Variants in DMXL1 observed in about 807,000 individuals in gnomAD.
DMXL1 encodes dmX-like protein 1.
A neutral mutation model predicts 319.2 loss-of-function variants in DMXL1; 99 were observed. The ratio of observed to expected loss-of-function variants is 0.31; its 90% confidence interval spans 0.26 to 0.37. The LOEUF (loss-of-function observed/expected upper bound fraction) is 0.37, where lower values mean the gene tolerates loss of function less well. DMXL1 is among the 10% of genes least tolerant of loss of function. DMXL1 has a pLI of 1.00. For missense variants in DMXL1, 3,745 were observed against 3,595.6 expected (o/e 1.04, Z -1.06); for synonymous variants, 1,385 against 1,235.2 (o/e 1.12, Z -2.54).
At chr5:119,076,940 G>T (rs932484577) in intron 1 of DMXL1, among the ~76,000 whole-genome samples, 1 of 152,078 alleles carries the variant, frequency 6.6e-6, no homozygotes, top group Admixed American at 6.5e-5. Flanking sequence ...CCTAATAGAA[G>T]GATTTTCATT....
chr5:119,152,071 AG>A, intron 19 of DMXL1, 35 bp downstream of exon 19: 1 of 1,439,318 alleles, frequency 6.9e-7, no homozygotes, highest in Non-Finnish European at 9.6e-7. Flanking sequence ...AGGGAAATAA[AG>A]CGAGTAGAAA....
At chr5:119,073,529 GA>G (rs1215723142) in intron 1 of DMXL1, among the ~76,000 whole-genome samples, 1 of 152,120 alleles carries the variant, frequency 6.6e-6, no homozygotes, top group African/African-American at 2.4e-5. Flanking sequence ...ATGTGCCGAG[GA>G]GGATTAGATA....
intron 28 of DMXL1, among the ~76,000 whole-genome samples, chr5:119,187,622 GA>G (rs960716718): frequency 8.6e-4 from 131 of 152,160 alleles, no homozygotes; most frequent in African/African-American, 3.1e-3. Context: ...TGAAACTGCC[GA>G]TTTTTTTTCC....
At chr5:119,120,496 CA>C (rs1360229783) in intron 8 of DMXL1, among the ~76,000 whole-genome samples, 1 of 152,200 alleles carries the variant, frequency 6.6e-6, no homozygotes. Flanking sequence ...CTGCCTGCCT[CA>C]TGGCATCAAA....
At chr5:119,242,486 G>A (rs892280721) in intron 42 of DMXL1, among the ~76,000 whole-genome samples, 1 of 152,066 alleles carries the variant, frequency 6.6e-6, no homozygotes, top group East Asian at 1.9e-4. Context: ...ATAAATGAGT[G>A]ATACTCCACA....
At chr5:119,153,725 T>C (rs1054299108) in intron 19 of DMXL1, among the ~76,000 whole-genome samples, 2 of 152,262 alleles carry the variant, frequency 1.3e-5, no homozygotes, top group East Asian at 3.8e-4. Flanking sequence ...GGTTCATCCA[T>C]GTTGTTGCAA....
At chr5:119,221,168 T>G (rs1240056572) in intron 37 of DMXL1, 87 bp downstream of exon 37, 3 of 1,005,146 alleles carry the variant, frequency 3.0e-6, no homozygotes, top group Non-Finnish European at 4.2e-6. Context: ...TTAAAACATT[T>G]TTCTTAATTC....
chr5:119,223,093 A>G (rs7447270), intron 37 of DMXL1, among the ~76,000 whole-genome samples: 67,909 of 135,688 alleles, frequency 0.5, 19,045 homozygotes, highest in East Asian at 0.83. Context: ...GTCTCGCTCT[A>G]TTGCCCAGTC....
At chr5:119,121,648 C>G (rs1023717440) in intron 9 of DMXL1, among the ~76,000 whole-genome samples, 38 of 152,322 alleles carry the variant, frequency 2.5e-4, no homozygotes, top group African/African-American at 8.9e-4. Context: ...TTTCTTAGTA[C>G]AGAACAACAT....
At chr5:119,124,954 C>T (rs1017856803) in intron 9 of DMXL1, among the ~76,000 whole-genome samples, 1 of 152,136 alleles carries the variant, frequency 6.6e-6, no homozygotes. Flanking sequence ...AACAGAGCTA[C>T]AAATTATAGA....
chr5:119,229,478 C>CA (rs1786253226), intron 38 of DMXL1, among the ~76,000 whole-genome samples: 1 of 152,160 alleles, frequency 6.6e-6, no homozygotes. Context: ...CTTGGCCACA[C>CA]ATAAAATTAT....
At chr5:119,080,439 G>C (rs1008601680) in intron 1 of DMXL1, among the ~76,000 whole-genome samples, 9 of 151,924 alleles carry the variant, frequency 5.9e-5, no homozygotes, top group African/African-American at 9.7e-5. Context: ...TGTTTTGTTC[G>C]TCCTCCTGTG....
rs865815924 is a variant in DMXL1, at chr5:119,114,528, C to T, written c.551C>T (p.Ala184Val). The T allele has an allele frequency of 6.2e-7, 1 of 1,608,048 alleles. No individual in the cohort carries two copies. The highest frequency in any genetic ancestry group is 8.5e-7 in the Non-Finnish European group (1 of 1,177,618). Reference sequence around the variant, plus strand: ...TTTTCACCAGATGGAGAATTTTTTGCCACTGCTGGGAAGGTAAATTGTGAA... The same window carrying T: ...TTTTCACCAGATGGAGAATTTTTTGTCACTGCTGGGAAGGTAAATTGTGAA... ...MKFSPDGEFF[A>V]TAGKDDCLLK... is the part of the protein sequence containing the mutation. The change falls in exon 6 of 44, where the codon GCC (alanine) becomes GTC (valine). Residue 184 changes from alanine to valine, a missense_variant. By Grantham distance (64) the Ala-to-Val change is moderately conservative (BLOSUM62 0). Coordinates refer to ENST00000539542, the MANE Select transcript of DMXL1 (RefSeq NM_001290321.3).
intron 35 of DMXL1, among the ~76,000 whole-genome samples, chr5:119,219,932 AT>A (rs1348473646): frequency 1.1e-4 from 16 of 150,684 alleles, no homozygotes; most frequent in African/African-American, 3.9e-4. Context: ...GCAACTTTTC[AT>A]TTGTGATCTT....
At chr5:119,235,456 T>C (rs1318033996) in intron 39 of DMXL1, among the ~76,000 whole-genome samples, 1 of 151,958 alleles carries the variant, frequency 6.6e-6, no homozygotes, top group Non-Finnish European at 1.5e-5. Context: ...GAAAATCAGG[T>C]TTGTTGCTGG....
chr5:119,206,856 C>T lies in DMXL1; in HGVS notation c.7886C>T (p.Thr2629Ile), dbSNP rs1219359308. 6.5e-7 allele frequency: 1 copy of T among 1,528,732 alleles called. No homozygotes were observed. The allele number at this position is 1,528,732 out of a possible 1,614,324, so 94.7% of individuals were successfully genotyped here. The change falls in exon 34 of 44, where the codon ACC (threonine) becomes ATC (isoleucine). Residue 2629 changes from threonine to isoleucine, a missense_variant. Thr to Ile is a moderately conservative substitution (Grantham distance 89). Around this residue, in one of 4 missense-constraint regions of DMXL1, gnomAD observed 1,382 missense variants for 1,269.5 expected, o/e 1.09. Coordinates refer to ENST00000539542, the MANE Select transcript of DMXL1 (RefSeq NM_001290321.3). ...AAGTCATTAGAGGACAACAGTGAAA[C>T]CATCAAAAATTCTATGATGGAGGAG... is the stretch of plus-strand genomic sequence containing the variant. ...LNESLEDNSE[T>I]IKNSMMEEPN...
chr5:119,125,923 C>G (rs1234431174), intron 9 of DMXL1, among the ~76,000 whole-genome samples: 1 of 152,120 alleles, frequency 6.6e-6, no homozygotes, highest in African/African-American at 2.4e-5. Context: ...TCTGTATGTA[C>G]TGTAAGCATA....
intron 33 of DMXL1, 109 bp from the exon 34 acceptor site, chr5:119,206,725 C>A: frequency 1.6e-6 from 1 of 622,800 alleles, no homozygotes; most frequent in Non-Finnish European, 2.7e-6. Flanking sequence ...ATATAATGTT[C>A]TTTTCTAGTA....
intron 30 of DMXL1, 131 bp downstream of exon 30, chr5:119,194,101 T>A: frequency 1.7e-6 from 1 of 597,148 alleles, no homozygotes; most frequent in East Asian, 3.3e-5. Flanking sequence ...TTTCTTTAGT[T>A]GAAATTGTTA....
Sources: gnomAD v4.1 joint callset for allele counts (sites outside exome capture counted in the v4.1 genomes callset) on GRCh38, gnomAD v4.1.1 for gene constraint, gnomAD v4.1.1 regional missense constraint, MANE v1.5 for transcripts, NCBI Gene and HGNC (gene_info 2026-07-23, HGNC 2026-07-21) for gene names.